The following ANAPC10 variants were observed in gnomAD, a reference collection of about 807,000 sequenced individuals.
ANAPC10 encodes anaphase-promoting complex subunit 10.
ANAPC10 carries 12 observed loss-of-function variants against 22.0 expected under a neutral mutation model. The ratio of observed to expected loss-of-function variants is 0.55; its 90% CI spans 0.35 to 0.88. The LOEUF (loss-of-function observed/expected upper bound fraction) is 0.88, where lower values mean the gene tolerates loss of function less well. Among genes scored for constraint, ANAPC10 ranks in the 40% least tolerant of loss-of-function variants. The pLI, the probability that ANAPC10 is intolerant of heterozygous loss-of-function variation, is 0.01. For missense variants in ANAPC10, 188 were observed against 220.9 expected, an observed-to-expected ratio of 0.85 and a Z score of 0.94; for synonymous variants, 65 against 69.5, an observed-to-expected ratio of 0.94 and a Z score of 0.32.
chr4:145,018,614 G>A (rs1011892309), intron 4 of ANAPC10, among the ~76,000 whole-genome samples: 4 of 151,814 alleles, frequency 2.6e-5, no homozygotes, highest in African/African-American at 9.7e-5. Flanking sequence ...CTCAGCCTGG[G>A]TGACAGAGCG....
At chr4:145,031,046 G>A (rs971283013) in intron 4 of ANAPC10, among the ~76,000 whole-genome samples, 1 of 152,168 alleles carries the variant, frequency 6.6e-6, no homozygotes, top group African/African-American at 2.4e-5. Context: ...TCCAACCATT[G>A]ACTTGGCAAA....
chr4:145,084,846 T>C (rs966510942), intron 2 of ANAPC10, among the ~76,000 whole-genome samples: 5 of 152,188 alleles, frequency 3.3e-5, no homozygotes, highest in African/African-American at 9.7e-5. Flanking sequence ...TCATTAGTAA[T>C]AGTAGTCCAG....
chr4:145,012,631 T>A (rs190110917), intron 4 of ANAPC10, among the ~76,000 whole-genome samples: 1 of 152,164 alleles, frequency 6.6e-6, no homozygotes, highest in African/African-American at 2.4e-5. Flanking sequence ...AAAATCTGAA[T>A]AGAATGACAT....
chr4:145,080,267 C>CG (rs1357541376), intron 3 of ANAPC10, among the ~76,000 whole-genome samples: 2 of 152,044 alleles, frequency 1.3e-5, no homozygotes, highest in Admixed American at 1.3e-4. Flanking sequence ...ACCTGGATGA[C>CG]GAAATTTGTA....
chr4:145,023,496 A>G (rs2127001462), intron 4 of ANAPC10, among the ~76,000 whole-genome samples: 1 of 152,212 alleles, frequency 6.6e-6, no homozygotes, highest in East Asian at 1.9e-4. Flanking sequence ...TTGTTGTGAC[A>G]GTTTCAAACT....
intron 4 of ANAPC10, among the ~76,000 whole-genome samples, chr4:145,017,643 T>C (rs995475436): frequency 2.0e-5 from 3 of 152,120 alleles, no homozygotes; most frequent in East Asian, 1.9e-4. Flanking sequence ...GGAATATAAA[T>C]CATGCTGCTA....
At chr4:145,066,939 G>A (rs1271032018) in intron 3 of ANAPC10, among the ~76,000 whole-genome samples, 1 of 152,010 alleles carries the variant, frequency 6.6e-6, no homozygotes, top group Non-Finnish European at 1.5e-5. Context: ...TCATTGATAC[G>A]AGTTTACAGT....
At chr4:145,046,786 C>T (rs1460141215) in intron 4 of ANAPC10, among the ~76,000 whole-genome samples, 3 of 151,994 alleles carry the variant, frequency 2.0e-5, no homozygotes, top group Non-Finnish European at 4.4e-5. Flanking sequence ...TGCCAAATAT[C>T]AACCTTAAAA....
At chr4:145,052,814 G>A (rs1373944200) in intron 4 of ANAPC10, among the ~76,000 whole-genome samples, 1 of 151,626 alleles carries the variant, frequency 6.6e-6, no homozygotes, top group East Asian at 1.9e-4. Context: ...CTTGAACCTG[G>A]GAGGCGAAGG....
chr4:145,081,178 C>T (rs1164503867), intron 3 of ANAPC10, among the ~76,000 whole-genome samples: 2 of 150,802 alleles, frequency 1.3e-5, no homozygotes, highest in Non-Finnish European at 2.9e-5. Context: ...TTTTCCTTTC[C>T]CCTCAAAAAG....
chr4:145,093,512 T>C (rs1166362973), intron 2 of ANAPC10, among the ~76,000 whole-genome samples: 1 of 151,670 alleles, frequency 6.6e-6, no homozygotes, highest in Non-Finnish European at 1.5e-5. Flanking sequence ...GATGACCCAG[T>C]TGTTGGAACT....
intron 4 of ANAPC10, among the ~76,000 whole-genome samples, chr4:145,034,967 C>G (rs1188217159): frequency 6.6e-6 from 1 of 152,154 alleles, no homozygotes; most frequent in African/African-American, 2.4e-5. Flanking sequence ...CAGTCAGTTA[C>G]TGTTTGTGGG....
intron 3 of ANAPC10, among the ~76,000 whole-genome samples, chr4:145,073,896 T>A (rs1560912584): frequency 6.6e-6 from 1 of 151,966 alleles, no homozygotes; most frequent in Non-Finnish European, 1.5e-5. Context: ...GAAATTTTGA[T>A]GAAGGCAGAT....
chr4:145,081,805 G>T, intron 2 of ANAPC10, 55 bp from the exon 3 acceptor site: 2 of 1,191,070 alleles, frequency 1.7e-6, no homozygotes, highest in Non-Finnish European at 2.5e-6. Context: ...AACTATACAT[G>T]CAAAACATAA....
At chr4:145,050,041 T>A (rs1469523125) in intron 4 of ANAPC10, among the ~76,000 whole-genome samples, 3 of 152,210 alleles carry the variant, frequency 2.0e-5, no homozygotes, top group African/African-American at 7.2e-5. Context: ...CTCAGTAACA[T>A]CTAGAATGGT....
chr4:145,056,289 C>T (rs1742061804), intron 4 of ANAPC10, among the ~76,000 whole-genome samples: 3 of 152,236 alleles, frequency 2.0e-5, no homozygotes, highest in Admixed American at 2.0e-4. Context: ...CACTGCTACA[C>T]TCCCACCAGC....
At chr4:145,016,386 T>C (rs1350157656) in intron 4 of ANAPC10, among the ~76,000 whole-genome samples, 1 of 151,924 alleles carries the variant, frequency 6.6e-6, no homozygotes, top group Admixed American at 6.6e-5. Context: ...TCAAAGACAA[T>C]AAAATACCTA....
intron 4 of ANAPC10, among the ~76,000 whole-genome samples, chr4:145,005,997 C>A (rs936355189): frequency 5.9e-5 from 9 of 152,008 alleles, no homozygotes; most frequent in African/African-American, 2.2e-4. Context: ...GAGTTCAGAT[C>A]CTGAATATCT....
chr4:145,009,238 A>G (rs1406990390), intron 4 of ANAPC10, among the ~76,000 whole-genome samples: 3 of 152,140 alleles, frequency 2.0e-5, no homozygotes, highest in East Asian at 1.9e-4. Flanking sequence ...AATCAATATC[A>G]TGAAAATGGC....
Sources: allele counts gnomAD v4.1 joint callset (sites outside exome capture counted in the v4.1 genomes callset), GRCh38; gene constraint gnomAD v4.1.1; transcripts MANE v1.5; gene names NCBI Gene and HGNC (gene_info 2026-07-23, HGNC 2026-07-21).